The following UPK3A variants were observed in gnomAD, a reference collection of about 807,000 sequenced individuals.
The protein encoded by UPK3A is uroplakin-3a.
Under a neutral mutation model 27.6 loss-of-function variants are expected in UPK3A, and 32 were observed. The observed-to-expected ratio is 1.16, with a 90% CI of 0.87 to 1.55. The LOEUF is 1.55. Among genes scored for constraint, UPK3A ranks in the 40% most tolerant of loss-of-function variants. UPK3A has a pLI of 0.00. For synonymous variants in UPK3A, 171 were observed against 163.9 expected (o/e 1.04, Z -0.33); for missense variants, 370 against 367.9 (o/e 1.01, Z -0.05).
rs1436806515 is a variant in UPK3A at position 45,287,454 on chromosome 22, G to A, written c.488+3G>A. Reference sequence around the variant, plus strand: ...CTGTCGGCAGCCACGGAGTACAGGTGGGTGTAAACAAACCACTACAGGAGA... The same window carrying A: ...CTGTCGGCAGCCACGGAGTACAGGTAGGTGTAAACAAACCACTACAGGAGA... On this transcript the variant is annotated splice_donor_region_variant and intron_variant, in intron 3 of 5. Coordinates refer to ENST00000216211, the MANE Select transcript of UPK3A (RefSeq NM_006953.4). 3 of 1,587,938 alleles carry A rather than the reference G, an allele frequency of 1.9e-6. No individual in the cohort carries two copies. The highest frequency in any genetic ancestry group is 1.8e-5 in the Admixed American group (1 of 54,650).
chr22:45,288,392 G>T (rs545271235), intron 3 of UPK3A, among the ~76,000 whole-genome samples: 388 of 152,282 alleles, frequency 2.5e-3, no homozygotes, highest in African/African-American at 8.5e-3. Context: ...TAGAGACGGG[G>T]TTTCACTGTG....
intron 3 of UPK3A, among the ~76,000 whole-genome samples, chr22:45,287,659 T>TTTTA (rs917174191): frequency 5.3e-5 from 8 of 152,172 alleles, no homozygotes; most frequent in East Asian, 1.9e-4. Flanking sequence ...AAATTCTGTA[T>TTTTA]TTTATTTATT....
intron 3 of UPK3A, among the ~76,000 whole-genome samples, chr22:45,288,065 AGTC>A (rs2084131998): frequency 6.6e-6 from 1 of 152,184 alleles, no homozygotes; most frequent in Admixed American, 6.5e-5. Context: ...CGTGTGTGGA[AGTC>A]ACCCACCCAA....
rs760400517 is a variant in UPK3A at position 45,287,434 on chromosome 22, G to A, written c.471G>A (p.Ser157=). The A allele has an allele frequency of 1.2e-5, 19 of 1,599,782 alleles. No homozygotes were observed. The highest frequency in any genetic ancestry group is 5.3e-5 in the Admixed American group (3 of 56,944). The part of the protein sequence containing the change: ...NFQGLCNAPL[S]AATEYRFKYV... Reference sequence around the variant, plus strand: ...AGGGCCTCTGTAACGCACCCCTGTCGGCAGCCACGGAGTACAGGTGGGTGT... The same window carrying A: ...AGGGCCTCTGTAACGCACCCCTGTCAGCAGCCACGGAGTACAGGTGGGTGT... Residue 157 remains serine, a synonymous_variant, in exon 3 of 6, where the codon TCG becomes TCA. Transcript: ENST00000216211.
In UPK3A at chr22:45,287,394, G is replaced by C. The variant is rs1193076016; in HGVS notation, c.431G>C (p.Trp144Ser). ...VRVGANGTCL[W>S]DPNFQGLCNA... ...GTGGGTGCCAACGGGACCTGCCTGT[G>C]GGATCCCAACTTCCAGGGCCTCTGT... The change falls in exon 3 of 6, where the codon TGG becomes TCG. Residue 144 changes from tryptophan to serine, a missense_variant. Transcript: ENST00000216211. The C allele has an allele frequency of 1.2e-6, 2 of 1,612,242 alleles. No homozygotes were observed. The highest frequency in any genetic ancestry group is 2.7e-5 in the African/African-American group (2 of 74,914).
intron 5 of UPK3A, 47 bp from the exon 6 acceptor site, chr22:45,295,513 G>A: frequency 6.2e-7 from 1 of 1,612,662 alleles, no homozygotes; most frequent in South Asian, 1.1e-5. Flanking sequence ...AGGCATTTGG[G>A]TTTGCTCTGG....
In UPK3A at chr22:45,287,243, G is replaced by A; in HGVS notation, c.280G>A (p.Gly94Ser). Reference sequence around the variant, plus strand: ...GGGCTCAACGTTCCTACAAACAGAGGGTGGGAGGACAGGTCCCTACAAAGC... The same window carrying A: ...GGGCTCAACGTTCCTACAAACAGAGAGTGGGAGGACAGGTCCCTACAAAGC... ...PLGSTFLQTE[G>S]GRTGPYKAVA... Residue 94 changes from glycine (G) to serine (S), a missense_variant, in exon 3 of 6, where the codon GGT becomes AGT. Coordinates refer to ENST00000216211, the MANE Select transcript of UPK3A (RefSeq NM_006953.4). The A allele has an allele frequency of 6.2e-7, 1 of 1,614,204 alleles. No homozygotes were observed.
chr22:45,287,702 T>C (rs1375749620), intron 3 of UPK3A, among the ~76,000 whole-genome samples: 4 of 152,070 alleles, frequency 2.6e-5, no homozygotes, highest in Non-Finnish European at 5.9e-5. Context: ...CTCCACCATT[T>C]CCCAGGCTGG....
At chr22:45,290,834 C>T (rs565825472) in intron 4 of UPK3A, among the ~76,000 whole-genome samples, 19 of 152,232 alleles carry the variant, frequency 1.2e-4, no homozygotes, top group African/African-American at 3.9e-4. Flanking sequence ...GTCACGGGAG[C>T]GCGAACCCTG....
chr22:45,290,739 C>A (rs1394628491), intron 4 of UPK3A, among the ~76,000 whole-genome samples: 1 of 152,136 alleles, frequency 6.6e-6, no homozygotes, highest in Admixed American at 6.5e-5. Flanking sequence ...GCGAGTGAAA[C>A]TTCATCTGCA....
Position 45,293,196 on chromosome 22 carries a change from C to A in UPK3A, c.587C>A (p.Thr196Lys). 6.2e-7 allele frequency: 1 copy of A among 1,613,896 alleles called. No individual in the cohort carries two copies. Among genetic ancestry groups the A allele is most frequent in the Non-Finnish European group, 8.5e-7 (1 of 1,180,032 alleles). The change falls in exon 5 of 6, where the codon ACG (threonine) becomes AAG (lysine). Residue 196 changes from threonine (T) to lysine (K), a missense_variant. Coordinates refer to ENST00000216211, the MANE Select transcript of UPK3A (RefSeq NM_006953.4). ...CCCACCACAGTCACCCCATACTCGACGATCGACACGTGGCCAGGCCGGCGG... is the reference window on the plus strand; with the variant it reads ...CCCACCACAGTCACCCCATACTCGAAGATCGACACGTGGCCAGGCCGGCGG... ...IRTNQLTPYS[T>K]IDTWPGRRSG...
At chr22:45,292,023 G>A (rs1025880849) in intron 4 of UPK3A, among the ~76,000 whole-genome samples, 4 of 152,062 alleles carry the variant, frequency 2.6e-5, no homozygotes, top group Non-Finnish European at 5.9e-5. Context: ...ACTCCCTACC[G>A]CCCCTCCCGT....
In UPK3A at chr22:45,284,980, G is replaced by C. The variant is rs370038428; in HGVS notation, c.-34G>C. The C allele has an allele frequency of 4.6e-5, 70 of 1,526,788 alleles. No individual in the cohort carries two copies. Among genetic ancestry groups the C allele is most frequent in the Non-Finnish European group, 6.0e-5 (69 of 1,142,740 alleles). The allele number at this position is 1,526,788 out of a possible 1,614,324, so 94.6% of individuals were successfully genotyped here. A position where few individuals can be genotyped will look rare whatever the true frequency, so the allele number is the denominator to read the frequency against. ...GGTGCCCGCGCCTGCTCGCTGGACC[G>C]CCCGCCCCGCGCTCTGGCGGCTCCT... On this transcript the variant is annotated 5_prime_UTR_variant, in exon 1 of 6. Coordinates refer to ENST00000216211, the MANE Select transcript of UPK3A (RefSeq NM_006953.4).
intron 5 of UPK3A, among the ~76,000 whole-genome samples, chr22:45,293,733 T>C (rs1041034525): frequency 6.6e-6 from 1 of 152,180 alleles, no homozygotes; most frequent in Non-Finnish European, 1.5e-5. Flanking sequence ...TCTAGAGCAG[T>C]GCCTGGGAAC....
At chr22:45,287,506 A>C in intron 3 of UPK3A, 55 bp downstream of exon 3, 1 of 1,548,016 alleles carries the variant, frequency 6.5e-7, no homozygotes, top group Non-Finnish European at 8.7e-7. Context: ...AGTCCTGATG[A>C]GGGAGAGCAG....
In UPK3A at chr22:45,295,580, G is replaced by C. The variant is rs1168060504; in HGVS notation, c.725G>C (p.Gly242Ala). The change falls in exon 6 of 6, where the codon GGG (glycine) becomes GCG (alanine). Residue 242 changes from glycine (G) to alanine (A), a missense_variant. By Grantham distance (60) the Gly-to-Ala change is moderately conservative. Transcript: ENST00000216211. ...LSLVDMGSSDGETTHDSQITQ... is the reference protein window; with the variant it reads ...LSLVDMGSSDAETTHDSQITQ... ...GACAGGGACATGGGGAGTTCTGATGGGGAAACGACTCACGACTCCCAAATC... is the reference window on the plus strand; with the variant it reads ...GACAGGGACATGGGGAGTTCTGATGCGGAAACGACTCACGACTCCCAAATC... The C allele has an allele frequency of 6.2e-7, 1 of 1,614,078 alleles. No individual in the cohort carries two copies. Among genetic ancestry groups the C allele is most frequent in the Non-Finnish European group, 8.5e-7 (1 of 1,180,026 alleles).
chr22:45,287,686 CG>C (rs1447684588), intron 3 of UPK3A, among the ~76,000 whole-genome samples: 3 of 151,848 alleles, frequency 2.0e-5, no homozygotes, highest in Non-Finnish European at 4.4e-5. Flanking sequence ...TTTTTTGAGA[CG>C]GGGTCTCCAC....
rs1334668863 is a variant in UPK3A, at chr22:45,293,303, CTCAGCCT to C, written c.695_701del (p.Leu232ProfsTer36). 1 of 1,613,974 alleles carries C rather than the reference CTCAGCCT, an allele frequency of 6.2e-7. No individual in the cohort carries two copies. Among genetic ancestry groups the C allele is most frequent in the East Asian group, 2.2e-5 (1 of 44,872 alleles). ...TGTGGGTTTTGCTGGCGCCATTGCC[CTCAGCCT>C]CGTGTAAGTACCTGCCTGCTGGGAG... On this transcript the variant is annotated frameshift_variant, in exon 5 of 6. Coordinates refer to ENST00000216211, the MANE Select transcript of UPK3A (RefSeq NM_006953.4). LOFTEE classifies it high-confidence loss of function.
At chr22:45,286,239 C>T (rs371146574) in intron 2 of UPK3A, 143 bp downstream of exon 2, 3 of 1,071,372 alleles carry the variant, frequency 2.8e-6, no homozygotes, top group Non-Finnish European at 1.4e-6. Flanking sequence ...CTGTCCTTGC[C>T]TTGCAGGGAC....
Sources: allele counts gnomAD v4.1 joint callset (sites outside exome capture counted in the v4.1 genomes callset), GRCh38; gene constraint gnomAD v4.1.1; transcripts MANE v1.5; gene names NCBI Gene and HGNC (gene_info 2026-07-23, HGNC 2026-07-21).